KIF14: variants seen among roughly 807,000 people sequenced by gnomAD.
KIF14 encodes the protein kinesin-like protein KIF14.
KIF14 carries 98 observed loss-of-function variants against 176.2 expected under a neutral mutation model. That is an observed-to-expected ratio of 0.56 (90% CI 0.47 to 0.66). The LOEUF is 0.66. Ranked by LOEUF, KIF14 falls within the 30% of genes least tolerant of loss-of-function variation. The pLI, the probability that KIF14 is intolerant of heterozygous loss-of-function variation, is 0.00. For missense variants in KIF14, 1,751 were observed against 1,920.4 expected (o/e 0.91, Z 1.65); for synonymous variants, 566 against 632.2 (o/e 0.90, Z 1.57).
At chr1:200,588,934 T>C (rs1444266608) in intron 18 of KIF14, among the ~76,000 whole-genome samples, 1 of 152,224 alleles carries the variant, frequency 6.6e-6, no homozygotes. Context: ...ATTTCACTTA[T>C]TTAAATTACT....
rs1452956262 is a variant in KIF14 at position 200,555,748 on chromosome 1, C to T, written c.4354-294G>A. Among the ~76,000 whole-genome samples, 5 of 152,048 alleles carry T rather than the reference C, an allele frequency of 3.3e-5. No homozygotes were observed. The East Asian group carries it at 9.6e-4, about 29-fold the overall frequency. ...TTACATAAAAAATTTCAAGCTATAG[C>T]AATTACTCTCCTTTTAAACACATTG... On this transcript the variant is annotated intron_variant, in intron 27 of 29. Transcript: ENST00000367350.
chr1:200,614,231 T>C (rs1040147389), intron 4 of KIF14, 87 bp downstream of exon 4: 1 of 684,560 alleles, frequency 1.5e-6, no homozygotes. Flanking sequence ...TTCCATTAAG[T>C]ATTTCCTTAG....
At chr1:200,576,496 AG>A (rs1247419955) in intron 21 of KIF14, among the ~76,000 whole-genome samples, 4 of 148,414 alleles carry the variant, frequency 2.7e-5, no homozygotes, top group Non-Finnish European at 1.5e-5. Flanking sequence ...AAAAAAAAAA[AG>A]TAGGAGGTAA....
intron 27 of KIF14, among the ~76,000 whole-genome samples, chr1:200,556,806 T>C (rs554132203): frequency 3.3e-5 from 5 of 152,222 alleles, no homozygotes; most frequent in Non-Finnish European, 7.3e-5. Flanking sequence ...TGATAAATGG[T>C]GCTGCTGCTG....
intron 21 of KIF14, among the ~76,000 whole-genome samples, chr1:200,578,261 CTTTGT>C (rs1238775138): frequency 1.3e-5 from 2 of 151,910 alleles, no homozygotes; most frequent in East Asian, 3.8e-4. Context: ...CATTGCTTTC[CTTTGT>C]TTTATTTTGT....
chr1:200,586,668 AAGACTCCTGCATGT>A (rs972183588), intron 18 of KIF14, among the ~76,000 whole-genome samples: 1 of 151,156 alleles, frequency 6.6e-6, no homozygotes, highest in African/African-American at 2.4e-5. Flanking sequence ...TTGTATCAAA[AAGACTCCTGCATGT>A]GTATGCTTAT....
intron 27 of KIF14, among the ~76,000 whole-genome samples, chr1:200,556,307 T>TA (rs200658967): frequency 1.1e-4 from 16 of 151,568 alleles, no homozygotes; most frequent in South Asian, 2.1e-4. Context: ...CTATGTGGTT[T>TA]AAAAAAAAAC....
intron 10 of KIF14, among the ~76,000 whole-genome samples, chr1:200,602,710 C>T (rs1558082874): frequency 6.6e-6 from 1 of 152,158 alleles, no homozygotes; most frequent in Non-Finnish European, 1.5e-5. Context: ...TAAATCCATA[C>T]AGATGTAATC....
chr1:200,557,650 A>T (rs1467574858), intron 27 of KIF14, among the ~76,000 whole-genome samples: 1 of 152,148 alleles, frequency 6.6e-6, no homozygotes, highest in Non-Finnish European at 1.5e-5. Flanking sequence ...GAGCAAAGGG[A>T]TGGAGAATCT....
chr1:200,572,980 A>G (rs930465101), intron 22 of KIF14, among the ~76,000 whole-genome samples: 1 of 152,200 alleles, frequency 6.6e-6, no homozygotes, highest in Non-Finnish European at 1.5e-5. Flanking sequence ...CAGAAATCAT[A>G]GCTTCTCTGT....
chr1:200,617,910 T>A lies in KIF14; in HGVS notation c.814A>T (p.Ser272Cys), dbSNP rs564815131. 324 of 1,614,024 alleles carry A rather than the reference T, an allele frequency of 2.0e-4. 6 individuals carry two copies. The highest frequency in any genetic ancestry group is 1.9e-3 in the South Asian group (171 of 91,078). ...EIAKTSNKFGSLEKRTPTKCT... is the reference protein window; with the variant it reads ...EIAKTSNKFGCLEKRTPTKCT... ...TTTGTAGGTGTTCTTTTTTCTAAGC[T>A]CCCAAATTTATTTGAAGTTTTTGCA... The change falls in exon 2 of 30, where the codon AGC becomes TGC. Residue 272 changes from serine (S) to cysteine (C), a missense_variant. Coordinates refer to ENST00000367350, the MANE Select transcript of KIF14 (RefSeq NM_014875.3).
At chr1:200,570,272 T>C (rs942450338) in intron 22 of KIF14, among the ~76,000 whole-genome samples, 1 of 152,220 alleles carries the variant, frequency 6.6e-6, no homozygotes, top group Non-Finnish European at 1.5e-5. Flanking sequence ...GTGGCAAACA[T>C]GGTTTCTGGG....
chr1:200,565,897 T>C (rs1445526559), intron 23 of KIF14, among the ~76,000 whole-genome samples: 1 of 152,206 alleles, frequency 6.6e-6, no homozygotes, highest in Non-Finnish European at 1.5e-5. Flanking sequence ...CTTGTGTATG[T>C]TGATTTCCAG....
At chr1:200,564,627 A>G (rs1657343961) in intron 25 of KIF14, among the ~76,000 whole-genome samples, 1 of 152,174 alleles carries the variant, frequency 6.6e-6, no homozygotes, top group Non-Finnish European at 1.5e-5. Flanking sequence ...ACCCAGAGAA[A>G]GACTCTGTCT....
rs913098611 is a variant in KIF14, at chr1:200,552,260, G to A, written c.*1128C>T. 1.3e-5 allele frequency: 2 copies of A among 151,548 alleles called. No homozygotes were observed. The highest frequency in any genetic ancestry group is 2.1e-4 in the South Asian group (1 of 4,796). 9.4% of individuals were successfully genotyped at this position (151,548 alleles called of 1,614,324 possible). On this transcript the variant is annotated 3_prime_UTR_variant, in exon 30 of 30. Coordinates refer to ENST00000367350, the MANE Select transcript of KIF14 (RefSeq NM_014875.3). Reference sequence around the variant, plus strand: ...CTCTTCAAATTATACATACTCTTGAGGTCAAAAACGTCAAACTATTTCCGT... The same window carrying A: ...CTCTTCAAATTATACATACTCTTGAAGTCAAAAACGTCAAACTATTTCCGT...
chr1:200,560,484 C>T (rs757106886), intron 26 of KIF14, among the ~76,000 whole-genome samples: 2 of 152,150 alleles, frequency 1.3e-5, no homozygotes, highest in Non-Finnish European at 2.9e-5. Flanking sequence ...ATTGGCCAGG[C>T]TGATCTCGAA....
Position 200,591,543 on chromosome 1 carries a change from C to T in KIF14, c.2813+537G>A, listed in dbSNP as rs539524835. ...TATTTGTATATACTTTACCATTTAG[C>T]TTACAAGGATACTACTTATGCCAGA... On this transcript the variant is annotated intron_variant, in intron 16 of 29. Transcript: ENST00000367350. Among the ~76,000 whole-genome samples the T allele has an allele frequency of 2.6e-5, 4 of 152,292 alleles. No individual in the cohort carries two copies. The East Asian group carries it at 7.7e-4, about 29-fold the overall frequency.
chr1:200,602,797 T>C (rs1019993505), intron 10 of KIF14, among the ~76,000 whole-genome samples: 30 of 152,238 alleles, frequency 2.0e-4, no homozygotes, highest in Admixed American at 1.6e-3. Flanking sequence ...TTAGTCACTG[T>C]GTAGTAAGCA....
At chr1:200,561,068 T>C (rs1456000203) in intron 25 of KIF14, among the ~76,000 whole-genome samples, 188 bp from the exon 26 acceptor site, 1 of 151,512 alleles carries the variant, frequency 6.6e-6, no homozygotes, top group East Asian at 1.9e-4. Context: ...CTATCTCTAC[T>C]AAAAATACAA....
Sources: gnomAD v4.1 joint callset for allele counts (sites outside exome capture counted in the v4.1 genomes callset) on GRCh38, gnomAD v4.1.1 for gene constraint, MANE v1.5 for transcripts, NCBI Gene and HGNC (gene_info 2026-07-23, HGNC 2026-07-21) for gene names.